Variants in VAV3 observed in about 807,000 individuals in gnomAD.
VAV3 encodes the protein vav guanine nucleotide exchange factor 3.
Under a neutral mutation model 131.2 loss-of-function variants are expected in VAV3, and 94 were observed. The observed-to-expected ratio is 0.72, with a 90% CI of 0.61 to 0.85. VAV3 has a LOEUF of 0.85. Ranked by LOEUF, VAV3 falls within the 40% of genes least tolerant of loss-of-function variation. VAV3 has a pLI of 0.00. For synonymous variants in VAV3, 349 were observed against 342.0 expected, an observed-to-expected ratio of 1.02 and a Z score of -0.22; for missense variants, 939 against 1,002.7, an observed-to-expected ratio of 0.94 and a Z score of 0.86.
chr1:107,827,813 A>C (rs1321762061), intron 2 of VAV3, among the ~76,000 whole-genome samples: 1 of 152,190 alleles, frequency 6.6e-6, no homozygotes, highest in Non-Finnish European at 1.5e-5. Context: ...TTAATAAAGG[A>C]CCTTATGAGA....
chr1:107,924,919 G>A (rs893230100), intron 1 of VAV3, among the ~76,000 whole-genome samples: 2 of 152,164 alleles, frequency 1.3e-5, no homozygotes, highest in African/African-American at 4.8e-5. Flanking sequence ...ATACACAACA[G>A]AAATGTGTCC....
rs1387078786 is a variant in VAV3, at chr1:107,883,700, T to C, written c.205-8683A>G. Among the ~76,000 whole-genome samples, 6 of 152,162 alleles carry C rather than the reference T, an allele frequency of 3.9e-5. 1 individual carries two copies. Among genetic ancestry groups the C allele is most frequent in the Non-Finnish European group, 4.4e-5 (3 of 68,018 alleles). ...TTTCCTGCCTCTGGTGTGTGTTCAA[T>C]GGGAAGCTGCCAACTGATTTTCAGG... On this transcript the variant is annotated intron_variant, in intron 1 of 26. Transcript: ENST00000370056.
intron 2 of VAV3, among the ~76,000 whole-genome samples, chr1:107,846,161 A>C (rs1281878995): frequency 2.0e-5 from 3 of 152,236 alleles, no homozygotes; most frequent in Admixed American, 2.0e-4. Context: ...TCTTAAAGAA[A>C]AGAATTTTCA....
intron 19 of VAV3, among the ~76,000 whole-genome samples, chr1:107,663,937 A>G (rs1199400060): frequency 1.3e-5 from 2 of 152,146 alleles, no homozygotes; most frequent in Non-Finnish European, 2.9e-5. Flanking sequence ...AATTGTTCTT[A>G]TGATATGAAA....
intron 13 of VAV3, among the ~76,000 whole-genome samples, chr1:107,749,814 A>C (rs1426596841): frequency 6.6e-6 from 1 of 152,194 alleles, no homozygotes; most frequent in Non-Finnish European, 1.5e-5. Context: ...CCCTCATTTT[A>C]AAAATGGGCA....
intron 25 of VAV3, among the ~76,000 whole-genome samples, chr1:107,579,920 G>A (rs1447075078): frequency 1.3e-5 from 2 of 151,902 alleles, no homozygotes; most frequent in Non-Finnish European, 2.9e-5. Context: ...CTCCTTCCCC[G>A]ACCTCTGCTG....
intron 20 of VAV3, among the ~76,000 whole-genome samples, 169 bp downstream of exon 20, chr1:107,642,449 AC>A (rs1035691657): frequency 6.6e-6 from 1 of 152,072 alleles, no homozygotes; most frequent in African/African-American, 2.4e-5. Flanking sequence ...GCAACCAGCA[AC>A]CCTCGGGGCT....
rs72979668 is a variant in VAV3 at position 107,760,730 on chromosome 1, A to G, written c.1017+54T>C. 8.4e-4 allele frequency: 1,167 copies of G among 1,388,310 alleles called. 7 individuals carry two copies. The African/African-American group carries it at 0.015, about 18-fold the overall frequency. The allele number at this position is 1,388,310 out of a possible 1,614,324, so 86.0% of individuals were successfully genotyped here. A position where few individuals can be genotyped will look rare whatever the true frequency, so the allele number is the denominator to read the frequency against. The stretch of plus-strand genomic sequence containing the variant: ...CTGCAATGTAGTTGATGCTTCATTA[A>G]TATTTTGTTGAGTGAATAAATGGAC... On this transcript the variant is annotated intron_variant, in intron 10 of 26. Coordinates refer to ENST00000370056, the MANE Select transcript of VAV3 (RefSeq NM_006113.5).
At chr1:107,753,441 A>G (rs985033063) in intron 12 of VAV3, among the ~76,000 whole-genome samples, 2 of 149,992 alleles carry the variant, frequency 1.3e-5, no homozygotes, top group African/African-American at 4.9e-5. Flanking sequence ...TTAATGCTAT[A>G]TATATTTATA....
chr1:107,789,102 G>A (rs1340816597), intron 2 of VAV3, among the ~76,000 whole-genome samples: 1 of 152,208 alleles, frequency 6.6e-6, no homozygotes, highest in Non-Finnish European at 1.5e-5. Flanking sequence ...CAGGCCAGAG[G>A]AGAAACTGTT....
chr1:107,758,487 GCT>G (rs1664238007), intron 10 of VAV3, among the ~76,000 whole-genome samples: 1 of 152,130 alleles, frequency 6.6e-6, no homozygotes, highest in African/African-American at 2.4e-5. Flanking sequence ...CAGGAAGACA[GCT>G]TGAGCCCAAC....
Position 107,927,338 on chromosome 1 carries a change from G to T in VAV3, c.204+37328C>A, listed in dbSNP as rs1473627025. ...GGCCTCAGATCAGACTCTGAGACTT[G>T]CTAGCTTCTGGTGAGACTCACGACA... On this transcript the variant is annotated intron_variant, in intron 1 of 26. Transcript: ENST00000370056. Among the ~76,000 whole-genome samples, 3 of 152,282 alleles carry T rather than the reference G, an allele frequency of 2.0e-5. No homozygotes were observed. The East Asian group carries it at 5.8e-4, about 29-fold the overall frequency.
intron 2 of VAV3, among the ~76,000 whole-genome samples, chr1:107,806,168 A>G (rs1385762913): frequency 1.3e-5 from 2 of 151,932 alleles, no homozygotes; most frequent in Admixed American, 6.6e-5. Flanking sequence ...GCTGCTTCCT[A>G]TGGGTTTAGG....
At chr1:107,750,431 AT>A (rs569108904) in intron 13 of VAV3, among the ~76,000 whole-genome samples, 1,700 of 152,142 alleles carry the variant, frequency 0.011, 17 homozygotes, top group Non-Finnish European at 0.015. Flanking sequence ...ATTAACACAC[AT>A]TTTTTTTATA....
intron 20 of VAV3, among the ~76,000 whole-genome samples, chr1:107,625,690 T>C (rs75993514): frequency 0.14 from 20,980 of 152,200 alleles, 1,535 homozygotes; most frequent in Non-Finnish European, 0.16. Context: ...TTGTTAGAAA[T>C]TGCATTCATT....
chr1:107,667,122 AC>A (rs1413837824), intron 19 of VAV3, among the ~76,000 whole-genome samples: 1 of 152,208 alleles, frequency 6.6e-6, no homozygotes, highest in Non-Finnish European at 1.5e-5. Flanking sequence ...GTTTTAGCTC[AC>A]CTTCTATACC....
rs1028489004 is a variant in VAV3, at chr1:107,718,206, G to C, written c.1503-13145C>G. Among the ~76,000 whole-genome samples the C allele has an allele frequency of 3.3e-5, 5 of 152,214 alleles. No individual in the cohort carries two copies. The South Asian group carries it at 6.2e-4, about 19-fold the overall frequency. ...AACATACTGTTGGAAGTTCTGGCCA[G>C]GGCAATCAAGCAAGAGAAAGAAATA... On this transcript the variant is annotated intron_variant, in intron 15 of 26. Transcript: ENST00000370056.
At chr1:107,664,917 G>A (rs1229722598) in intron 19 of VAV3, among the ~76,000 whole-genome samples, 3 of 152,198 alleles carry the variant, frequency 2.0e-5, no homozygotes. Flanking sequence ...ATGACCCAAG[G>A]TATAGTGGCA....
At chr1:107,684,115 CTTA>C (rs1557760422) in intron 18 of VAV3, among the ~76,000 whole-genome samples, 1 of 152,296 alleles carries the variant, frequency 6.6e-6, no homozygotes, top group Middle Eastern at 3.4e-3. Context: ...AAAATGAATT[CTTA>C]TTATAGAAAA....
Sources: allele counts gnomAD v4.1 joint callset (sites outside exome capture counted in the v4.1 genomes callset), GRCh38; gene constraint gnomAD v4.1.1; transcripts MANE v1.5; gene names NCBI Gene and HGNC (gene_info 2026-07-23, HGNC 2026-07-21).